Variants in CD164 observed in about 807,000 individuals in gnomAD.
The protein encoded by CD164 is CD164 molecule.
Under a neutral mutation model 24.6 loss-of-function variants are expected in CD164, and 11 were observed. The observed-to-expected ratio is 0.45, with a 90% CI of 0.28 to 0.74. The LOEUF (loss-of-function observed/expected upper bound fraction) is 0.74. Among genes scored for constraint, CD164 ranks in the 30% least tolerant of loss-of-function variants. The pLI, the probability that CD164 is intolerant of heterozygous loss-of-function variation, is 0.13. For missense variants in CD164, 295 were observed against 243.7 expected (o/e 1.21, Z -1.40); for synonymous variants, 126 against 100.3 (o/e 1.26, Z -1.53).
intron 5 of CD164, among the ~76,000 whole-genome samples, chr6:109,370,089 A>C (rs1770992322): frequency 6.6e-6 from 1 of 152,234 alleles, no homozygotes; most frequent in East Asian, 1.9e-4. Flanking sequence ...CATACAGCAC[A>C]CAACCAATCC....
At chr6:109,378,227 TAA>T (rs1771531188) in intron 2 of CD164, among the ~76,000 whole-genome samples, 1 of 152,100 alleles carries the variant, frequency 6.6e-6, no homozygotes, top group Non-Finnish European at 1.5e-5. Context: ...ACTGAAAAAA[TAA>T]ATCTGCAACA....
At chr6:109,378,269 T>G (rs1341461325) in intron 2 of CD164, among the ~76,000 whole-genome samples, 1 of 152,154 alleles carries the variant, frequency 6.6e-6, no homozygotes, top group Non-Finnish European at 1.5e-5. Flanking sequence ...GGAAGACTAC[T>G]GTACAATCAA....
At position 109,376,114 on chromosome 6, in the gene CD164, T is replaced by C; in HGVS notation, c.332-2A>G. ...TTGGCACTGGAGTGGCCGTGGAAACTATTAAAAAAAGAAAAAAGAAAAACC... is the reference window on the plus strand; with the variant it reads ...TTGGCACTGGAGTGGCCGTGGAAACCATTAAAAAAAGAAAAAAGAAAAACC... On this transcript the variant is annotated splice_acceptor_variant, in intron 3 of 5. Coordinates refer to ENST00000310786, the MANE Select transcript of CD164 (RefSeq NM_006016.6). LOFTEE classifies it high-confidence loss of function. 2 of 1,563,158 alleles carry C rather than the reference T, an allele frequency of 1.3e-6. No individual in the cohort carries two copies. The highest frequency in any genetic ancestry group is 8.6e-7 in the Non-Finnish European group (1 of 1,166,042).
At position 109,382,226 on chromosome 6, in the gene CD164, C is replaced by T. The variant is rs1383235045; in HGVS notation, c.153G>A (p.Pro51=). The stretch of plus-strand genomic sequence containing the variant: ...CACCTGGTGCCGGAGTGGTGACCAG[C>T]GGGAGGGACGTCACCGGCGCCGAGG... ...NVTSAPVTSL[P]LVTTPAPETC... The change falls in exon 1 of 6, where the codon CCG becomes CCA. Residue 51 remains proline (P), a synonymous_variant. Coordinates refer to ENST00000310786, the MANE Select transcript of CD164 (RefSeq NM_006016.6). 1.8e-5 allele frequency: 28 copies of T among 1,576,732 alleles called. No homozygotes were observed. The highest frequency in any genetic ancestry group is 5.8e-5 in the South Asian group (5 of 86,520).
At chr6:109,381,424 G>C in intron 1 of CD164, 3 of 683,886 alleles carry the variant, frequency 4.4e-6, no homozygotes, top group Non-Finnish European at 7.9e-6. Flanking sequence ...AAAAACAATT[G>C]AAAAAAGAAT....
chr6:109,370,705 G>A, intron 4 of CD164: 2 of 412,704 alleles, frequency 4.8e-6, no homozygotes, highest in East Asian at 5.1e-5. Flanking sequence ...TATCTATCTT[G>A]TATAAAATCT....
Position 109,376,117 on chromosome 6 carries a change from T to TA in CD164, c.332-6dup. 4 of 1,561,602 alleles carry TA rather than the reference T, an allele frequency of 2.6e-6. No homozygotes were observed. The highest frequency in any genetic ancestry group is 2.3e-5 in the East Asian group (1 of 43,242). ...GCACTGGAGTGGCCGTGGAAACTAT[T>TA]AAAAAAAGAAAAAAGAAAAACCATA... On this transcript the variant is annotated splice_region_variant and splice_polypyrimidine_tract_variant and intron_variant, in intron 3 of 5. Transcript: ENST00000310786.
At chr6:109,379,802 T>C in intron 1 of CD164, 140 bp from the exon 2 acceptor site, 2 of 614,578 alleles carry the variant, frequency 3.3e-6, no homozygotes, top group Non-Finnish European at 5.5e-6. Flanking sequence ...TAAAACTTTA[T>C]ACTGGTTTAC....
rs1770886941 is a variant in CD164 at position 109,368,376 on chromosome 6, T to C, written c.*475A>G. On this transcript the variant is annotated 3_prime_UTR_variant, in exon 6 of 6. Coordinates refer to ENST00000310786, the MANE Select transcript of CD164 (RefSeq NM_006016.6). ...CAAGCACAAAATTTTAATCTAAGGA[T>C]ACCATTTAGTACTACTAAATTAATA... 22 of 1,497,112 alleles carry C rather than the reference T, an allele frequency of 1.5e-5. No individual in the cohort carries two copies. The highest frequency in any genetic ancestry group is 2.0e-5 in the Non-Finnish European group (22 of 1,125,236). The allele number at this position is 1,497,112 out of a possible 1,614,324, so 92.7% of individuals were successfully genotyped here. A position where few individuals can be genotyped will look rare whatever the true frequency, so the allele number is the denominator to read the frequency against.
At chr6:109,369,542 T>C (rs1296732297) in intron 5 of CD164, among the ~76,000 whole-genome samples, 1 of 136,344 alleles carries the variant, frequency 7.3e-6, no homozygotes, top group East Asian at 2.3e-4. Context: ...GAAAGTATTA[T>C]CAAGTAATAA....
At chr6:109,381,223 T>C (rs1282604705) in intron 1 of CD164, among the ~76,000 whole-genome samples, 1 of 152,222 alleles carries the variant, frequency 6.6e-6, no homozygotes, top group African/African-American at 2.4e-5. Flanking sequence ...CTCTCTTTTG[T>C]GTTGTCACGG....
At position 109,382,306 on chromosome 6, in the gene CD164, T is replaced by C. The variant is rs969119044; in HGVS notation, c.73A>G (p.Lys25Glu). The C allele has an allele frequency of 1.9e-6, 3 of 1,581,926 alleles. No individual in the cohort carries two copies. In the South Asian group the frequency reaches 3.5e-5, roughly 18 times the overall value. Reference sequence around the variant, plus strand: ...ACGTTCGGGTGCTGGGTCGTGTTCTTGTCCGCGGACAGCACGCAGAGCACG... The same window carrying C: ...ACGTTCGGGTGCTGGGTCGTGTTCTCGTCCGCGGACAGCACGCAGAGCACG... ...LGVLCVLSAD[K>E]NTTQHPNVTT... is the part of the protein sequence containing the mutation. The change falls in exon 1 of 6, where the codon AAG (lysine) becomes GAG (glutamate). Residue 25 changes from lysine (K) to glutamate (E), a missense_variant. Lys to Glu is a moderately conservative substitution (Grantham distance 56). Coordinates refer to ENST00000310786, the MANE Select transcript of CD164 (RefSeq NM_006016.6).
chr6:109,382,441 A>G lies in CD164; in HGVS notation c.-63T>C, dbSNP rs541892621. ...CTCGCAACGCTCAGTCAACCCCTCA[A>G]TCCCCTGCGGCGCCGCCTCCGAGAC... On this transcript the variant is annotated 5_prime_UTR_variant, in exon 1 of 6. Transcript: ENST00000310786. 1.2e-5 allele frequency: 16 copies of G among 1,370,916 alleles called. No homozygotes were observed. In the African/African-American group the frequency reaches 1.5e-4, roughly 13 times the overall value. The allele number at this position is 1,370,916 out of a possible 1,614,324, so 84.9% of individuals were successfully genotyped here. A position where few individuals can be genotyped will look rare whatever the true frequency, so the allele number is the denominator to read the frequency against.
At chr6:109,374,291 T>G (rs552829403) in intron 4 of CD164, among the ~76,000 whole-genome samples, 1 of 152,300 alleles carries the variant, frequency 6.6e-6, no homozygotes, top group Admixed American at 6.5e-5. Flanking sequence ...CTTAAATGGA[T>G]TCTAGGTATC....
rs764717048 is a variant in CD164, at chr6:109,370,448, G to C, written c.390C>G (p.Pro130=). The change falls in exon 5 of 6, where the codon CCC becomes CCG. Residue 130 remains proline (P), a synonymous_variant. Transcript: ENST00000310786. ...CTGTCTTGGAAGTTGTAGAAGGGGAGGGCTGAACTGTGGGTTTAGCTGGAA... is the reference window on the plus strand; with the variant it reads ...CTGTCTTGGAAGTTGTAGAAGGGGACGGCTGAACTGTGGGTTTAGCTGGAA... ...ANSTAKPTVQ[P]SPSTTSKTVT... 6 of 1,612,824 alleles carry C rather than the reference G, an allele frequency of 3.7e-6. No homozygotes were observed. Among genetic ancestry groups the C allele is most frequent in the Non-Finnish European group, 4.2e-6 (5 of 1,179,374 alleles).
intron 5 of CD164, 56 bp downstream of exon 5, chr6:109,370,355 A>G: frequency 7.3e-7 from 1 of 1,362,644 alleles, no homozygotes; most frequent in Non-Finnish European, 1.0e-6. Context: ...GAAATTGTAA[A>G]GGGCAACATC....
rs918142971 is a variant in CD164 at position 109,367,598 on chromosome 6, G to A, written c.*1253C>T. ...TATTATACTATGGGAAACCAAGAAGGAAGGGAGAGAAAAAGAAAAAGCACA... is the reference window on the plus strand; with the variant it reads ...TATTATACTATGGGAAACCAAGAAGAAAGGGAGAGAAAAAGAAAAAGCACA... On this transcript the variant is annotated 3_prime_UTR_variant, in exon 6 of 6. Coordinates refer to ENST00000310786, the MANE Select transcript of CD164 (RefSeq NM_006016.6). 2 of 152,594 alleles carry A rather than the reference G, an allele frequency of 1.3e-5. No homozygotes were observed. Among genetic ancestry groups the A allele is most frequent in the Non-Finnish European group, 2.9e-5 (2 of 67,968 alleles). The allele number at this position is 152,594 out of a possible 1,614,324, so 9.5% of individuals were successfully genotyped here.
intron 1 of CD164, 193 bp downstream of exon 1, chr6:109,382,011 A>G (rs991984862): frequency 2.1e-5 from 9 of 421,252 alleles, no homozygotes; most frequent in Non-Finnish European, 3.5e-5. Flanking sequence ...GCTTCCCCCC[A>G]GCGCGCTCCC....
At chr6:109,375,957 GT>G in intron 4 of CD164, 116 bp downstream of exon 4, 2 of 779,694 alleles carry the variant, frequency 2.6e-6, no homozygotes, top group South Asian at 3.5e-5. Context: ...AGACTTTTAA[GT>G]TTTTACTCAT....
Sources: allele counts gnomAD v4.1 joint callset (sites outside exome capture counted in the v4.1 genomes callset), GRCh38; gene constraint gnomAD v4.1.1; transcripts MANE v1.5; gene names NCBI Gene and HGNC (gene_info 2026-07-23, HGNC 2026-07-21).